Variants in NUDT19 observed in about 807,000 individuals in gnomAD.
NUDT19 encodes nudix hydrolase 19, also known as acyl-coenzyme A diphosphatase NUDT19.
NUDT19 carries 31 observed loss-of-function variants against 22.2 expected under a neutral mutation model. The observed-to-expected ratio is 1.40, with a 90% CI of 1.05 to 1.89. NUDT19 has a LOEUF of 1.89. NUDT19 is among the 40% of genes most tolerant of loss of function. The pLI is 0.00. For synonymous variants in NUDT19, 325 were observed against 230.8 expected, an observed-to-expected ratio of 1.41 and a Z score of -3.70; for missense variants, 752 against 514.2, an observed-to-expected ratio of 1.46 and a Z score of -4.47.
intron 1 of NUDT19, among the ~76,000 whole-genome samples, chr19:32,701,559 A>G (rs1568433443): frequency 6.6e-6 from 1 of 152,136 alleles, no homozygotes; most frequent in Non-Finnish European, 1.5e-5. Flanking sequence ...GGAATGTGGA[A>G]ATCTTCAACT....
At chr19:32,704,415 C>T (rs2145364833) in intron 1 of NUDT19, among the ~76,000 whole-genome samples, 1 of 152,244 alleles carries the variant, frequency 6.6e-6, no homozygotes, top group South Asian at 2.1e-4. Context: ...GCGCATGCCA[C>T]CATGCCCAGC....
At chr19:32,697,955 G>A (rs756081475) in intron 1 of NUDT19, among the ~76,000 whole-genome samples, 3 of 152,144 alleles carry the variant, frequency 2.0e-5, no homozygotes, top group Admixed American at 6.5e-5. Flanking sequence ...CCGATAGCCC[G>A]GGAAGGGGGC....
chr19:32,700,537 T>C (rs561602685), intron 1 of NUDT19, among the ~76,000 whole-genome samples: 1 of 152,308 alleles, frequency 6.6e-6, no homozygotes, highest in South Asian at 2.1e-4. Context: ...GCTGAAGTGA[T>C]TCTCGTCTCA....
Position 32,711,743 on chromosome 19 carries a change from C to T in NUDT19, c.923-9C>T, listed in dbSNP as rs1224326964. The T allele has an allele frequency of 3.3e-6, 5 of 1,518,646 alleles. No homozygotes were observed. The East Asian group carries it at 6.8e-5, about 21-fold the overall frequency. The allele number at this position is 1,518,646 out of a possible 1,614,324, so 94.1% of individuals were successfully genotyped here. A position where few individuals can be genotyped will look rare whatever the true frequency, so the allele number is the denominator to read the frequency against. ...TTTAAAAATAAAATCAGATTTTTTC[C>T]TTTTTCAGGTGATGAGCTATATTTA... On this transcript the variant is annotated splice_polypyrimidine_tract_variant and intron_variant, in intron 2 of 2. Transcript: ENST00000397061.
Position 32,692,266 on chromosome 19 carries a change from G to A in NUDT19, c.306G>A (p.Pro102=), listed in dbSNP as rs769834875. 12 of 1,592,198 alleles carry A rather than the reference G, an allele frequency of 7.5e-6. No individual in the cohort carries two copies. In the Admixed American group the frequency reaches 1.0e-4, roughly 13 times the overall value. Residue 102 remains proline, a synonymous_variant, in exon 1 of 3, where the codon CCG becomes CCA. Coordinates refer to ENST00000397061, the MANE Select transcript of NUDT19 (RefSeq NM_001105570.2). The part of the protein sequence containing the change: ...GPAPFSRTAF[P]SLPDTDDHKT... ...CGCCATTCAGCCGCACCGCTTTCCCGTCGCTGCCCGACACCGATGACCACA... is the reference window on the plus strand; with the variant it reads ...CGCCATTCAGCCGCACCGCTTTCCCATCGCTGCCCGACACCGATGACCACA...
intron 1 of NUDT19, among the ~76,000 whole-genome samples, chr19:32,694,269 C>T (rs1001127663): frequency 2.6e-5 from 4 of 152,130 alleles, no homozygotes; most frequent in Admixed American, 6.5e-5. Context: ...CTGTAAATGC[C>T]GGGCGGCATC....
chr19:32,691,947 G>A lies in NUDT19; in HGVS notation c.-14G>A, dbSNP rs1290812061. On this transcript the variant is annotated 5_prime_UTR_variant, in exon 1 of 3. Coordinates refer to ENST00000397061, the MANE Select transcript of NUDT19 (RefSeq NM_001105570.2). ...TCAGGCCGCGCCAGAATCGGATCCG[G>A]GAAGCTGCGCGCCATGAGCAGCTCC... The A allele has an allele frequency of 1.6e-6, 2 of 1,217,236 alleles. No individual in the cohort carries two copies. Among genetic ancestry groups the A allele is most frequent in the Non-Finnish European group, 2.0e-6 (2 of 978,488 alleles). The allele number at this position is 1,217,236 out of a possible 1,614,324, so 75.4% of individuals were successfully genotyped here. A position where few individuals can be genotyped will look rare whatever the true frequency, so the allele number is the denominator to read the frequency against.
In NUDT19 at chr19:32,711,883, A is replaced by C; in HGVS notation, c.1054A>C (p.Ile352Leu). 1 of 1,613,998 alleles carries C rather than the reference A, an allele frequency of 6.2e-7. No individual in the cohort carries two copies. The change falls in exon 3 of 3, where the codon ATC becomes CTC. Residue 352 changes from isoleucine (I) to leucine (L), a missense_variant. Coordinates refer to ENST00000397061, the MANE Select transcript of NUDT19 (RefSeq NM_001105570.2). ...GACATACCATCGCCACCTTTATGAT[A>C]TCCACGTGACTGTTCAGCCAAAGTA... is the stretch of plus-strand genomic sequence containing the variant. ...IVTYHRHLYD[I>L]HVTVQPKYKH...
At chr19:32,698,785 A>G (rs933485083) in intron 1 of NUDT19, among the ~76,000 whole-genome samples, 15 of 152,156 alleles carry the variant, frequency 9.9e-5, no homozygotes, top group African/African-American at 3.4e-4. Context: ...CTAGACCTCA[A>G]AGAGGACTGA....
At chr19:32,703,686 G>A (rs1399808312) in intron 1 of NUDT19, among the ~76,000 whole-genome samples, 17 of 103,966 alleles carry the variant, frequency 1.6e-4, no homozygotes, top group South Asian at 3.1e-4. Flanking sequence ...TTTTTGAGAC[G>A]GAGTCTCACT....
intron 1 of NUDT19, among the ~76,000 whole-genome samples, chr19:32,705,068 C>G (rs902534330): frequency 6.9e-6 from 1 of 144,814 alleles, no homozygotes; most frequent in Non-Finnish European, 1.5e-5. Context: ...ATCACGCCAT[C>G]GCACTCCAGC....
chr19:32,691,841 C>T lies in NUDT19; in HGVS notation c.-120C>T. 2 of 506,128 alleles carry T rather than the reference C, an allele frequency of 4.0e-6. No homozygotes were observed. The highest frequency in any genetic ancestry group is 2.9e-6 in the Non-Finnish European group (1 of 339,794). The allele number at this position is 506,128 out of a possible 1,614,324, so 31.4% of individuals were successfully genotyped here. A position where few individuals can be genotyped will look rare whatever the true frequency, so the allele number is the denominator to read the frequency against. ...CGACCAAACGCCCAGGTTCACCCAA[C>T]GCCAGAGGCTCGTCCTCAATTCCCG... On this transcript the variant is annotated 5_prime_UTR_variant, in exon 1 of 3. It adds an upstream start codon to the 5' untranslated region. Transcript: ENST00000397061.
intron 1 of NUDT19, among the ~76,000 whole-genome samples, chr19:32,703,956 C>A (rs1348457945): frequency 6.6e-6 from 1 of 152,084 alleles, no homozygotes; most frequent in Non-Finnish European, 1.5e-5. Flanking sequence ...AGCCACCATG[C>A]CCAGCCACAT....
intron 1 of NUDT19, among the ~76,000 whole-genome samples, chr19:32,695,741 G>A (rs1968255963): frequency 6.6e-6 from 1 of 152,210 alleles, no homozygotes; most frequent in South Asian, 2.1e-4. Context: ...TTTCCTTGTG[G>A]TATTTAATGG....
At chr19:32,699,284 T>C (rs888269160) in intron 1 of NUDT19, among the ~76,000 whole-genome samples, 4 of 152,142 alleles carry the variant, frequency 2.6e-5, no homozygotes, top group African/African-American at 9.7e-5. Context: ...GAGAGGAAGT[T>C]TGTCTGACAG....
At chr19:32,694,052 GGTTTCC>G (rs1386960942) in intron 1 of NUDT19, among the ~76,000 whole-genome samples, 10 of 152,168 alleles carry the variant, frequency 6.6e-5, no homozygotes, top group African/African-American at 2.4e-4. Flanking sequence ...AGCTCATTTG[GGTTTCC>G]GTTTGTAAGA....
At chr19:32,709,744 A>G (rs568691501) in intron 2 of NUDT19, among the ~76,000 whole-genome samples, 27 of 149,320 alleles carry the variant, frequency 1.8e-4, no homozygotes, top group Non-Finnish European at 4.0e-4. Flanking sequence ...TCCACCTCCC[A>G]GGTTCAAGCA....
intron 1 of NUDT19, among the ~76,000 whole-genome samples, chr19:32,708,229 C>A (rs1968408668): frequency 6.6e-6 from 1 of 151,028 alleles, no homozygotes; most frequent in South Asian, 2.1e-4. Flanking sequence ...AGATCGAGAC[C>A]ATCCTGGCTA....
Position 32,692,253 on chromosome 19 carries a change from G to C in NUDT19, c.293G>C (p.Arg98Pro), listed in dbSNP as rs75564582. The change falls in exon 1 of 3, where the codon CGC becomes CCC. Residue 98 changes from arginine (R) to proline (P), a missense_variant. Coordinates refer to ENST00000397061, the MANE Select transcript of NUDT19 (RefSeq NM_001105570.2). ...GGCCTGGGCCCGGCGCCATTCAGCC[G>C]CACCGCTTTCCCGTCGCTGCCCGAC... ...RFGLGPAPFS[R>P]TAFPSLPDTD... The C allele has an allele frequency of 6.3e-6, 10 of 1,591,964 alleles. No individual in the cohort carries two copies. Among genetic ancestry groups the C allele is most frequent in the Non-Finnish European group, 7.6e-6 (9 of 1,177,430 alleles).
Sources: allele counts gnomAD v4.1 joint callset (sites outside exome capture counted in the v4.1 genomes callset), GRCh38; gene constraint gnomAD v4.1.1; transcripts MANE v1.5; gene names NCBI Gene and HGNC (gene_info 2026-07-23, HGNC 2026-07-21).